Variants in CRPPA observed in about 807,000 individuals in gnomAD.
CRPPA encodes the protein CDP-L-ribitol pyrophosphorylase A.
A neutral mutation model predicts 52.0 loss-of-function variants in CRPPA; 43 were observed. The observed-to-expected ratio is 0.83, with a 90% CI of 0.65 to 1.07. The LOEUF (loss-of-function observed/expected upper bound fraction) is 1.07. Among genes scored for constraint, CRPPA ranks in the 50% least tolerant of loss-of-function variants. CRPPA has a pLI of 0.00. For missense variants in CRPPA, 629 were observed against 551.7 expected, an observed-to-expected ratio of 1.14 and a Z score of -1.40; for synonymous variants, 250 against 203.5, an observed-to-expected ratio of 1.23 and a Z score of -1.94.
intron 9 of CRPPA, among the ~76,000 whole-genome samples, chr7:16,122,114 G>C (rs901787542): frequency 1.3e-5 from 2 of 152,146 alleles, no homozygotes; most frequent in Admixed American, 6.5e-5. Flanking sequence ...TCAGCCTAGA[G>C]CATAATTCTC....
In CRPPA at chr7:16,175,707, ATG is replaced by A. The variant is rs553371004; in HGVS notation, c.1251+40357_1251+40358del. Among the ~76,000 whole-genome samples the A allele has an allele frequency of 8.5e-5, 13 of 152,338 alleles. No individual in the cohort carries two copies. In the East Asian group the frequency reaches 2.3e-3, roughly 27 times the overall value. ...ACAAAGTGGCAATAATGAGAAAACAATGTCTTAATAATTATGCAAATTATGTA... is the reference window on the plus strand; with the variant it reads ...ACAAAGTGGCAATAATGAGAAAACAATCTTAATAATTATGCAAATTATGTA... On this transcript the variant is annotated intron_variant, in intron 9 of 9. Transcript: ENST00000407010.
chr7:16,307,765 G>T (rs1403528586), intron 4 of CRPPA, among the ~76,000 whole-genome samples: 1 of 151,672 alleles, frequency 6.6e-6, no homozygotes, highest in Non-Finnish European at 1.5e-5. Context: ...CCTCACAGTG[G>T]GACAGAAAGT....
At chr7:16,150,394 T>C (rs2128378668) in intron 9 of CRPPA, among the ~76,000 whole-genome samples, 1 of 152,290 alleles carries the variant, frequency 6.6e-6, no homozygotes, top group East Asian at 1.9e-4. Context: ...CAGCTATGCA[T>C]TGGAAGATGT....
intron 9 of CRPPA, among the ~76,000 whole-genome samples, chr7:16,111,180 C>T (rs1782256589): frequency 6.6e-6 from 1 of 151,966 alleles, no homozygotes; most frequent in Admixed American, 6.6e-5. Flanking sequence ...TGAAAAAATG[C>T]TTAACATCCG....
chr7:16,387,253 T>C lies in CRPPA; in HGVS notation c.535-11012A>G, dbSNP rs551782958. Among the ~76,000 whole-genome samples the C allele has an allele frequency of 6.6e-4, 100 of 151,346 alleles. 1 individual carries two copies. In the South Asian group the frequency reaches 0.015, roughly 22 times the overall value. ...ATAATGGATTGTTGGGTTTCTTACATAGATATAATATGCACAATAACAGAA... is the reference window on the plus strand; with the variant it reads ...ATAATGGATTGTTGGGTTTCTTACACAGATATAATATGCACAATAACAGAA... On this transcript the variant is annotated intron_variant, in intron 2 of 9. Coordinates refer to ENST00000407010, the MANE Select transcript of CRPPA (RefSeq NM_001101426.4).
chr7:16,097,803 G>A (rs1047989411), intron 9 of CRPPA, among the ~76,000 whole-genome samples: 1 of 152,092 alleles, frequency 6.6e-6, no homozygotes, highest in African/African-American at 2.4e-5. Flanking sequence ...ACTCATAGTG[G>A]CTCTTCAGTT....
chr7:16,408,122 T>TAA (rs199596938), intron 1 of CRPPA, among the ~76,000 whole-genome samples: 2 of 137,236 alleles, frequency 1.5e-5, no homozygotes, highest in Admixed American at 7.0e-5. Context: ...AAAAAAAAAA[T>TAA]AAAAAAATAA....
intron 9 of CRPPA, among the ~76,000 whole-genome samples, chr7:16,099,783 A>G (rs1182523828): frequency 6.6e-6 from 1 of 152,208 alleles, no homozygotes; most frequent in Admixed American, 6.5e-5. Context: ...TCAATCATAA[A>G]GTAAATTCCA....
chr7:16,115,439 G>A (rs557984042), intron 9 of CRPPA, among the ~76,000 whole-genome samples: 1 of 152,172 alleles, frequency 6.6e-6, no homozygotes, highest in South Asian at 2.1e-4. Context: ...AATTACATAC[G>A]AATACACTCA....
rs113018096 is a variant in CRPPA, at chr7:16,119,321, C to T, written c.1252-27522G>A. Among the ~76,000 whole-genome samples, 1,314 of 151,918 alleles carry T rather than the reference C, an allele frequency of 8.6e-3. 5 individuals carry two copies. The highest frequency in any genetic ancestry group is 0.015 in the Non-Finnish European group (986 of 67,968). On this transcript the variant is annotated intron_variant, in intron 9 of 9. Transcript: ENST00000407010. ...AGAAAGTGGGTGCTGAATTGAATCACACATCTCATTGGTAGACCATGTTCA... is the reference window on the plus strand; with the variant it reads ...AGAAAGTGGGTGCTGAATTGAATCATACATCTCATTGGTAGACCATGTTCA...
rs1297737660 is a variant in CRPPA, at chr7:16,259,027, C to A, written c.934-15G>T. 3 of 1,573,076 alleles carry A rather than the reference C, an allele frequency of 1.9e-6. No individual in the cohort carries two copies. The highest frequency in any genetic ancestry group is 2.3e-5 in the East Asian group (1 of 44,350). ...ACTTTTACATGCTAGTAGGAAAAAACAGAAATGAATTCACAAATTAGATAG... is the reference window on the plus strand; with the variant it reads ...ACTTTTACATGCTAGTAGGAAAAAAAAGAAATGAATTCACAAATTAGATAG... On this transcript the variant is annotated splice_polypyrimidine_tract_variant and intron_variant, in intron 6 of 9. Coordinates refer to ENST00000407010, the MANE Select transcript of CRPPA (RefSeq NM_001101426.4).
intron 9 of CRPPA, among the ~76,000 whole-genome samples, chr7:16,119,431 A>G (rs963325213): frequency 2.6e-5 from 4 of 152,226 alleles, no homozygotes; most frequent in African/African-American, 7.2e-5. Context: ...CAGCTAAGAA[A>G]TAAAAAAACA....
At chr7:16,201,542 G>T (rs372872616) in intron 9 of CRPPA, among the ~76,000 whole-genome samples, 3 of 152,166 alleles carry the variant, frequency 2.0e-5, no homozygotes, top group Non-Finnish European at 1.5e-5. Flanking sequence ...CCCTCTTGCT[G>T]TCGAGAGCTT....
intron 8 of CRPPA, among the ~76,000 whole-genome samples, chr7:16,249,897 A>C (rs1783395786): frequency 6.6e-6 from 1 of 152,220 alleles, no homozygotes; most frequent in African/African-American, 2.4e-5. Context: ...AACTGACAGA[A>C]GTAGGCTTCA....
chr7:16,161,053 A>T (rs1042498097), intron 9 of CRPPA, among the ~76,000 whole-genome samples: 1 of 152,088 alleles, frequency 6.6e-6, no homozygotes, highest in African/African-American at 2.4e-5. Context: ...CAGCTTAAGG[A>T]GTTTTTGGGC....
chr7:16,135,861 G>A (rs1361909314), intron 9 of CRPPA, among the ~76,000 whole-genome samples: 1 of 152,148 alleles, frequency 6.6e-6, no homozygotes, highest in Non-Finnish European at 1.5e-5. Context: ...ACTTGCATAT[G>A]GTAGTGATTA....
At chr7:16,253,155 T>C (rs1373096100) in intron 8 of CRPPA, among the ~76,000 whole-genome samples, 2 of 152,210 alleles carry the variant, frequency 1.3e-5, no homozygotes, top group African/African-American at 4.8e-5. Context: ...AGCTTTTGAA[T>C]GTGTTTGCTC....
At chr7:16,197,858 A>G (rs1225700042) in intron 9 of CRPPA, among the ~76,000 whole-genome samples, 2 of 149,766 alleles carry the variant, frequency 1.3e-5, no homozygotes, top group Non-Finnish European at 2.9e-5. Flanking sequence ...CTTACCCCCA[A>G]CCCCGTGCTC....
In CRPPA at chr7:16,241,090, C is replaced by T. The variant is rs1409863119; in HGVS notation, c.1119+17300G>A. Among the ~76,000 whole-genome samples the T allele has an allele frequency of 2.6e-5, 4 of 152,090 alleles. No homozygotes were observed. The South Asian group carries it at 6.2e-4, about 24-fold the overall frequency. On this transcript the variant is annotated intron_variant, in intron 8 of 9. Coordinates refer to ENST00000407010, the MANE Select transcript of CRPPA (RefSeq NM_001101426.4). ...TACACTAGATTGATTCAGTTGCTGG[C>T]TCTGCCACTGGTGAGCTTTGGAACA...
Sources: gnomAD v4.1 joint callset for allele counts (sites outside exome capture counted in the v4.1 genomes callset) on GRCh38, gnomAD v4.1.1 for gene constraint, MANE v1.5 for transcripts, NCBI Gene and HGNC (gene_info 2026-07-23, HGNC 2026-07-21) for gene names.